ZNF205: variants seen among roughly 807,000 people sequenced by gnomAD.
ZNF205 encodes transcriptional repressor RHIT.
ZNF205 carries 32 observed loss-of-function variants against 53.6 expected under a neutral mutation model. The observed-to-expected ratio is 0.60, with a 90% CI of 0.45 to 0.80. The LOEUF (loss-of-function observed/expected upper bound fraction) is 0.80. ZNF205 is among the 30% of genes least tolerant of loss of function. ZNF205 has a pLI of 0.00. For missense variants in ZNF205, 836 were observed against 782.4 expected (o/e 1.07, Z -0.82); for synonymous variants, 382 against 334.3 (o/e 1.14, Z -1.56).
rs1957392473 is a variant in ZNF205 at position 3,119,551 on chromosome 16, G to T, written c.891G>T (p.Leu297=). The T allele has an allele frequency of 1.2e-6, 2 of 1,607,850 alleles. No individual in the cohort carries two copies. The highest frequency in any genetic ancestry group is 2.7e-5 in the African/African-American group (2 of 74,876). Residue 297 remains leucine (L), a synonymous_variant, in exon 7 of 7, where the codon CTG becomes CTT. Transcript: ENST00000219091. ...KGAPESGEEG[L]APDSEVGRKS... ...CCCCGGAGAGTGGCGAGGAGGGCCT[G>T]GCCCCTGACAGTGAGGTGGGCAGGA...
In ZNF205 at chr16:3,119,500, G is replaced by A. The variant is rs760583596; in HGVS notation, c.840G>A (p.Glu280=). The A allele has an allele frequency of 4.4e-6, 7 of 1,596,136 alleles. No individual in the cohort carries two copies. Among genetic ancestry groups the A allele is most frequent in the Middle Eastern group, 1.7e-4 (1 of 6,030 alleles). ...PTEPQEYRVP[E]KPNEEEKGAP... Reference sequence around the variant, plus strand: ...AGCCCCAGGAGTACCGCGTCCCGGAGAAGCCCAACGAGGAGGAGAAGGGCG... The same window carrying A: ...AGCCCCAGGAGTACCGCGTCCCGGAAAAGCCCAACGAGGAGGAGAAGGGCG... The change falls in exon 7 of 7, where the codon GAG becomes GAA. Residue 280 remains glutamate (E), a synonymous_variant. Coordinates refer to ENST00000219091, the MANE Select transcript of ZNF205 (RefSeq NM_001042428.2).
intron 5 of ZNF205, among the ~76,000 whole-genome samples, chr16:3,117,542 G>A (rs1005863062): frequency 3.8e-4 from 53 of 138,068 alleles, no homozygotes; most frequent in African/African-American, 1.3e-3. Context: ...CGACTTCCTG[G>A]GTTCAAGTGA....
In ZNF205 at chr16:3,120,009, G is replaced by C; in HGVS notation, c.1349G>C (p.Cys450Ser). The stretch of plus-strand genomic sequence containing the variant: ...CACACTGGGGTCAAGCCCTATCCGT[G>C]CCCCGAGTGCGGCAAGTGCTTCAGC... The part of the protein sequence containing the change: ...RTHTGVKPYP[C>S]PECGKCFSQR... The change falls in exon 7 of 7, where the codon TGC becomes TCC. Residue 450 changes from cysteine to serine, a missense_variant. Coordinates refer to ENST00000219091, the MANE Select transcript of ZNF205 (RefSeq NM_001042428.2). 1.2e-6 allele frequency: 2 copies of C among 1,613,738 alleles called. No individual in the cohort carries two copies. Among genetic ancestry groups the C allele is most frequent in the Non-Finnish European group, 1.7e-6 (2 of 1,179,910 alleles).
In ZNF205 at chr16:3,120,166, G is replaced by T. The variant is rs747812772; in HGVS notation, c.1506G>T (p.Arg502=). The change falls in exon 7 of 7, where the codon CGG becomes CGT. Residue 502 remains arginine, a synonymous_variant. Coordinates refer to ENST00000219091, the MANE Select transcript of ZNF205 (RefSeq NM_001042428.2). ...ACCAGCGCACCCACCGTGGCGTGCG[G>T]CCCTACGCCTGCCCGTTGTGCGGCA... ...TAHQRTHRGV[R]PYACPLCGKS... is the part of the protein sequence containing the mutation. 3.1e-6 allele frequency: 5 copies of T among 1,607,068 alleles called. No homozygotes were observed. In the Admixed American group the frequency reaches 8.4e-5, roughly 27 times the overall value.
At chr16:3,117,287 C>T (rs987010466) in intron 5 of ZNF205, among the ~76,000 whole-genome samples, 8 of 152,090 alleles carry the variant, frequency 5.3e-5, no homozygotes, top group Admixed American at 2.6e-4. Context: ...CTTCGGGGCC[C>T]GAGGGCTGCT....
rs1413441970 is a variant in ZNF205, at chr16:3,120,368, C to G, written c.*43C>G. ...AGCGGGGCGCCCAGGGCCACTGGAA[C>G]AGCCCCACTGGAGTCAAGGCTCCGA... On this transcript the variant is annotated 3_prime_UTR_variant, in exon 7 of 7. Transcript: ENST00000219091. 6.9e-7 allele frequency: 1 copy of G among 1,459,086 alleles called. No homozygotes were observed. Among genetic ancestry groups the G allele is most frequent in the Non-Finnish European group, 9.0e-7 (1 of 1,113,390 alleles). The allele number at this position is 1,459,086 out of a possible 1,614,324, so 90.4% of individuals were successfully genotyped here.
In ZNF205 at chr16:3,120,126, C is replaced by T. The variant is rs767569025; in HGVS notation, c.1466C>T (p.Ser489Leu). The change falls in exon 7 of 7, where the codon TCG becomes TTG. Residue 489 changes from serine to leucine, a missense_variant. Transcript: ENST00000219091. ...TGCGGCAAGAGCTTCAGCCACAGCT[C>T]GCACCTCACCGCGCACCAGCGCACC... Reference protein sequence around the residue: ...LDCGKSFSHSSHLTAHQRTHR... With the variant: ...LDCGKSFSHSLHLTAHQRTHR... 1.2e-6 allele frequency: 2 copies of T among 1,613,578 alleles called. No individual in the cohort carries two copies. Among genetic ancestry groups the T allele is most frequent in the Non-Finnish European group, 1.7e-6 (2 of 1,179,760 alleles).
Position 3,119,812 on chromosome 16 carries a change from C to T in ZNF205, c.1152C>T (p.Arg384=), listed in dbSNP as rs370347430. 8 of 1,613,698 alleles carry T rather than the reference C, an allele frequency of 5.0e-6. No individual in the cohort carries two copies. The African/African-American group carries it at 8.0e-5, about 16-fold the overall frequency. The part of the protein sequence containing the change: ...SHHSTLIQHQ[R]IHTGEKPYVC... ...ACTCCACGCTGATTCAGCACCAGCG[C>T]ATCCACACCGGAGAGAAGCCCTACG... The change falls in exon 7 of 7, where the codon CGC becomes CGT. Residue 384 remains arginine, a synonymous_variant. Transcript: ENST00000219091.
rs553044715 is a variant in ZNF205 at position 3,117,406 on chromosome 16, T to G, written c.484+859T>G. 2.6e-5 allele frequency among the ~76,000 whole-genome samples: 4 copies of G among 151,724 alleles called. No individual in the cohort carries two copies. In the East Asian group the frequency reaches 7.7e-4, roughly 29 times the overall value. On this transcript the variant is annotated intron_variant, in intron 5 of 6. Transcript: ENST00000219091. The stretch of plus-strand genomic sequence containing the variant: ...TTGTCTCCGAGGGGTCTTGGTTCCC[T>G]TTGTTTCTTGGATGTTAAGTATTTA...
Position 3,120,031 on chromosome 16 carries a change from C to T in ZNF205, c.1371C>T (p.Phe457=). Residue 457 remains phenylalanine, a synonymous_variant, in exon 7 of 7, where the codon TTC becomes TTT. Transcript: ENST00000219091. ...PYPCPECGKC[F]SQRSNLIAHN... is the part of the protein sequence containing the mutation. ...CGTGCCCCGAGTGCGGCAAGTGCTT[C>T]AGCCAGCGTTCCAACCTCATCGCGC... 1 of 1,613,930 alleles carries T rather than the reference C, an allele frequency of 6.2e-7. No homozygotes were observed. The highest frequency in any genetic ancestry group is 8.5e-7 in the Non-Finnish European group (1 of 1,179,942).
Position 3,115,852 on chromosome 16 carries a change from G to C in ZNF205, c.295G>C (p.Val99Leu). 1.2e-6 allele frequency: 2 copies of C among 1,613,902 alleles called. No homozygotes were observed. Among genetic ancestry groups the C allele is most frequent in the Non-Finnish European group, 1.7e-6 (2 of 1,179,924 alleles). Residue 99 changes from valine to leucine, a missense_variant, in exon 4 of 7, where the codon GTG becomes CTG. Coordinates refer to ENST00000219091, the MANE Select transcript of ZNF205 (RefSeq NM_001042428.2). ...GGALPSPRIP[V>L]LSREGRTRDR... ...AGCCCTCCCCTCCCCCCGGATCCCCGTGCTTTCCCGAGAGGGGAGGACCAG... is the reference window on the plus strand; with the variant it reads ...AGCCCTCCCCTCCCCCCGGATCCCCCTGCTTTCCCGAGAGGGGAGGACCAG...
intron 5 of ZNF205, among the ~76,000 whole-genome samples, chr16:3,117,716 G>C (rs1399877132): frequency 6.6e-6 from 1 of 152,046 alleles, no homozygotes; most frequent in African/African-American, 2.4e-5. Context: ...GCCTCCCAAA[G>C]TGTTGGGATT....
intron 3 of ZNF205, 60 bp downstream of exon 3, chr16:3,115,628 T>G (rs2151228076): frequency 1.3e-6 from 2 of 1,508,806 alleles, no homozygotes; most frequent in Non-Finnish European, 1.8e-6. Flanking sequence ...GAGGTGGAGG[T>G]TTGGCCCAGG....
chr16:3,119,984 C>T lies in ZNF205; in HGVS notation c.1324C>T (p.His442Tyr). The T allele has an allele frequency of 1.2e-6, 2 of 1,613,728 alleles. No homozygotes were observed. Among genetic ancestry groups the T allele is most frequent in the East Asian group, 2.2e-5 (1 of 44,860 alleles). ...GGCGCTAGTCACCCACCAGCGCACC[C>T]ACACTGGGGTCAAGCCCTATCCGTG... ...SSALVTHQRT[H>Y]TGVKPYPCPE... The change falls in exon 7 of 7, where the codon CAC becomes TAC. Residue 442 changes from histidine (H) to tyrosine (Y), a missense_variant. Coordinates refer to ENST00000219091, the MANE Select transcript of ZNF205 (RefSeq NM_001042428.2).
At chr16:3,116,151 G>T in intron 4 of ZNF205, 1 of 653,966 alleles carries the variant, frequency 1.5e-6, no homozygotes, top group Non-Finnish European at 2.6e-6. Flanking sequence ...GGTAGCCGTT[G>T]GGAACCGTCC....
At chr16:3,117,668 G>C (rs990443665) in intron 5 of ZNF205, among the ~76,000 whole-genome samples, 1 of 151,424 alleles carries the variant, frequency 6.6e-6, no homozygotes, top group Non-Finnish European at 1.5e-5. Context: ...GCCCAGGTTG[G>C]TCTTGAGCTC....
chr16:3,116,628 C>T (rs1957349793), intron 5 of ZNF205, 81 bp downstream of exon 5: 1 of 1,523,184 alleles, frequency 6.6e-7, no homozygotes, highest in African/African-American at 1.4e-5. Context: ...CCTTCCCTCC[C>T]TCTCTCTCCC....
intron 5 of ZNF205, among the ~76,000 whole-genome samples, 186 bp from the exon 6 acceptor site, chr16:3,118,719 C>T (rs1329017604): frequency 6.6e-6 from 1 of 152,210 alleles, no homozygotes; most frequent in Non-Finnish European, 1.5e-5. Flanking sequence ...CAGGCCTAGT[C>T]AGCTCTGGCA....
Position 3,115,472 on chromosome 16 carries a change from G to T in ZNF205, c.175G>T (p.Glu59Ter). 5.6e-6 allele frequency: 9 copies of T among 1,611,560 alleles called. No individual in the cohort carries two copies. The highest frequency in any genetic ancestry group is 7.6e-6 in the Non-Finnish European group (9 of 1,178,826). ...IKMEPEEPHS[E>*]GASQEDGAQG... The stretch of plus-strand genomic sequence containing the variant: ...GATGGAGCCCGAAGAGCCACACTCC[G>T]AGGGGGCATCGCAGGAGGATGGGGC... The change falls in exon 3 of 7, where the codon GAG (glutamate) becomes TAG (stop). Residue 59 changes from glutamate (E) to a stop codon, truncating the protein, a stop_gained. Transcript: ENST00000219091. LOFTEE classifies it high-confidence loss of function.
Sources: allele counts gnomAD v4.1 joint callset (sites outside exome capture counted in the v4.1 genomes callset), GRCh38; gene constraint gnomAD v4.1.1; transcripts MANE v1.5; gene names NCBI Gene and HGNC (gene_info 2026-07-23, HGNC 2026-07-21).